The following DHODH variants were observed in gnomAD, a reference collection of about 807,000 sequenced individuals.
DHODH encodes dihydroorotate dehydrogenase (quinone), mitochondrial.
Under a neutral mutation model 39.7 loss-of-function variants are expected in DHODH, and 30 were observed. That is an observed-to-expected ratio of 0.76 (90% CI 0.57 to 1.02). DHODH has a LOEUF of 1.02. Among genes scored for constraint, DHODH ranks in the 50% least tolerant of loss-of-function variants. The pLI is 0.00. For missense variants in DHODH, 531 were observed against 520.8 expected, an observed-to-expected ratio of 1.02 and a Z score of -0.19; for synonymous variants, 222 against 213.8, an observed-to-expected ratio of 1.04 and a Z score of -0.34.
Position 72,024,437 on chromosome 16 carries a change from C to A in DHODH, c.*238C>A. The A allele has an allele frequency of 1.7e-6, 1 of 572,946 alleles. No individual in the cohort carries two copies. Among genetic ancestry groups the A allele is most frequent in the Non-Finnish European group, 3.1e-6 (1 of 318,124 alleles). The allele number at this position is 572,946 out of a possible 1,614,324, so 35.5% of individuals were successfully genotyped here. The stretch of plus-strand genomic sequence containing the variant: ...TGTGGATTCAAACCCTAGGATCCAT[C>A]AGTCTTGCAAGGACATTGAATATTA... On this transcript the variant is annotated 3_prime_UTR_variant, in exon 9 of 9. Transcript: ENST00000219240.
In DHODH at chr16:72,023,643, G is replaced by A. The variant is rs1348443677; in HGVS notation, c.1133+10G>A. On this transcript the variant is annotated intron_variant, in intron 8 of 8. Coordinates refer to ENST00000219240, the MANE Select transcript of DHODH (RefSeq NM_001361.5). ...TGGAGGCCCTTCTGAAGTGAGTGAG[G>A]TCATGTGTGGCTTGAAACAGAAGTT... The A allele has an allele frequency of 6.2e-7, 1 of 1,613,364 alleles. No homozygotes were observed.
At chr16:72,008,971 C>G in intron 1 of DHODH, 186 bp downstream of exon 1, 1 of 1,483,538 alleles carries the variant, frequency 6.7e-7, no homozygotes, top group African/African-American at 1.4e-5. Context: ...TGGACTCGGT[C>G]AGGCGTGTGC....
intron 3 of DHODH, chr16:72,016,641 A>G: frequency 2.9e-6 from 1 of 345,252 alleles, no homozygotes. Context: ...GGTGATTTTC[A>G]GACAGAAAGC....
In DHODH at chr16:72,024,484, A is replaced by C; in HGVS notation, c.*285A>C. On this transcript the variant is annotated 3_prime_UTR_variant, in exon 9 of 9. Transcript: ENST00000219240. ...ATTAGGAGGAAAAAGTCATGGAAAA[A>C]ATAAAGCCATTTAGAACCTGGGTTT... is the stretch of plus-strand genomic sequence containing the variant. 1 of 494,988 alleles carries C rather than the reference A, an allele frequency of 2.0e-6. No individual in the cohort carries two copies. 30.7% of individuals were successfully genotyped at this position (494,988 alleles called of 1,614,324 possible). A position where few individuals can be genotyped will look rare whatever the true frequency, so the allele number is the denominator to read the frequency against.
chr16:72,025,759 T>G lies in DHODH; in HGVS notation c.*1560T>G, dbSNP rs1356745333. Reference sequence around the variant, plus strand: ...CCCCAGCTCCTCTGGCTCTGCCTGTTCAAAGCTACCCTGTGAGGCCTGAAG... The same window carrying G: ...CCCCAGCTCCTCTGGCTCTGCCTGTGCAAAGCTACCCTGTGAGGCCTGAAG... On this transcript the variant is annotated 3_prime_UTR_variant, in exon 9 of 9. Transcript: ENST00000219240. 6.6e-6 allele frequency: 1 copy of G among 152,348 alleles called. No individual in the cohort carries two copies. Among genetic ancestry groups the G allele is most frequent in the African/African-American group, 2.4e-5 (1 of 41,470 alleles). 9.4% of individuals were successfully genotyped at this position (152,348 alleles called of 1,614,324 possible).
At position 72,008,747 on chromosome 16, in the gene DHODH, C is replaced by A. The variant is rs903400168; in HGVS notation, c.-18C>A. The A allele has an allele frequency of 3.2e-6, 5 of 1,551,418 alleles. No individual in the cohort carries two copies. The African/African-American group carries it at 6.8e-5, about 21-fold the overall frequency. On this transcript the variant is annotated 5_prime_UTR_variant, in exon 1 of 9. Coordinates refer to ENST00000219240, the MANE Select transcript of DHODH (RefSeq NM_001361.5). The stretch of plus-strand genomic sequence containing the variant: ...CCAATGGAAGGGAGACAGGGGCGGG[C>A]TTAATGACGGAAGGAGCATGGCGTG...
intron 4 of DHODH, among the ~76,000 whole-genome samples, chr16:72,018,493 C>T (rs927053702): frequency 6.6e-6 from 1 of 152,204 alleles, no homozygotes; most frequent in African/African-American, 2.4e-5. Flanking sequence ...ACAGGACTTG[C>T]ATGGTTTGTG....
At position 72,014,453 on chromosome 16, in the gene DHODH, C is replaced by G. The variant is rs759201508; in HGVS notation, c.235-20C>G. On this transcript the variant is annotated intron_variant, in intron 2 of 8. Transcript: ENST00000219240. ...CGGGATAGCCTTAGCGTGCCTCTGA[C>G]TTTGTCTTCCTCTTCCCAGGAAGTG... The G allele has an allele frequency of 5.6e-6, 9 of 1,612,530 alleles. No homozygotes were observed. In the East Asian group the frequency reaches 1.6e-4, roughly 28 times the overall value.
chr16:72,012,221 G>A lies in DHODH; in HGVS notation c.193G>A (p.Gly65Arg). ...HRLAVRFTSL[G>R]LLPRARFQDS... ...ACTGGCTGTTCGCTTCACCTCCCTG[G>A]GGCTCCTTCCACGGGCCAGATTTCA... The change falls in exon 2 of 9, where the codon GGG becomes AGG. Residue 65 changes from glycine to arginine, a missense_variant. By Grantham distance (125) the Gly-to-Arg change is moderately radical. Transcript: ENST00000219240. 4 of 1,614,058 alleles carry A rather than the reference G, an allele frequency of 2.5e-6. No individual in the cohort carries two copies. Among genetic ancestry groups the A allele is most frequent in the Non-Finnish European group, 3.4e-6 (4 of 1,180,006 alleles).
rs1408137072 is a variant in DHODH at position 72,016,644 on chromosome 16, CAG to C, written c.435-378_435-377del. On this transcript the variant is annotated intron_variant, in intron 3 of 8. Transcript: ENST00000219240. ...GCTAGGAAGAGAGGTGATTTTCAGA[CAG>C]AAAGCCTAGAGAGATGGAGTGGCTG... is the stretch of plus-strand genomic sequence containing the variant. 2.6e-5 allele frequency: 9 copies of C among 344,814 alleles called. No individual in the cohort carries two copies. In the East Asian group the frequency reaches 6.7e-4, roughly 25 times the overall value. The allele number at this position is 344,814 out of a possible 1,614,324, so 21.4% of individuals were successfully genotyped here.
At chr16:72,014,448 T>A in intron 2 of DHODH, 25 bp from the exon 3 acceptor site, 1 of 1,610,312 alleles carries the variant, frequency 6.2e-7, no homozygotes, top group South Asian at 1.1e-5. Context: ...TTAGCGTGCC[T>A]CTGACTTTGT....
chr16:72,022,518 T>A (rs1331934995), intron 6 of DHODH, 43 bp downstream of exon 6: 1 of 1,484,994 alleles, frequency 6.7e-7, no homozygotes, highest in Admixed American at 2.0e-5. Context: ...TCCCATGGTC[T>A]GCAGAGGCCG....
At position 72,021,294 on chromosome 16, in the gene DHODH, CG is replaced by C; in HGVS notation, c.689del (p.Arg230ProfsTer4). Reference protein sequence around the residue: ...LRSLQGKAELRRLLTKVLQER... With the variant: ...LRSLQGKAELXRLLTKVLQER... ...GAGCCTTCAGGGAAAGGCCGAGCTG[CG>C]CCGCCTGCTGACCAAGGTGGGCAGC... On this transcript the variant is annotated frameshift_variant, in exon 5 of 9. Transcript: ENST00000219240. LOFTEE classifies it high-confidence loss of function. 1 of 1,608,320 alleles carries C rather than the reference CG, an allele frequency of 6.2e-7. No individual in the cohort carries two copies. Among genetic ancestry groups the C allele is most frequent in the South Asian group, 1.1e-5 (1 of 90,120 alleles).
chr16:72,020,332 T>TATATATATATAC (rs2041192080), intron 4 of DHODH: 2 of 26,836 alleles, frequency 7.5e-5, no homozygotes, highest in African/African-American at 1.5e-4. Flanking sequence ...TATATGTGTA[T>TATATATATATAC]ATATATATAT....
intron 4 of DHODH, among the ~76,000 whole-genome samples, chr16:72,020,762 C>A (rs2041204132): frequency 6.6e-6 from 1 of 152,184 alleles, no homozygotes. Context: ...GAGTTGCGGG[C>A]CTGATGTGCC....
chr16:72,010,754 G>C (rs957553076), intron 1 of DHODH, among the ~76,000 whole-genome samples: 8 of 152,150 alleles, frequency 5.3e-5, no homozygotes, highest in African/African-American at 1.7e-4. Flanking sequence ...ATTTTTGAGA[G>C]AGTCTGACTC....
intron 4 of DHODH, chr16:72,020,506 C>T (rs918019082): frequency 6.6e-6 from 1 of 152,126 alleles, no homozygotes; most frequent in Non-Finnish European, 1.5e-5. Context: ...CAGGTGTGCA[C>T]CACTGCTCCC....
intron 1 of DHODH, chr16:72,009,184 GT>G (rs773200361): frequency 9.4e-6 from 10 of 1,066,752 alleles, no homozygotes; most frequent in Non-Finnish European, 1.1e-5. Context: ...TCTGTGAAAA[GT>G]TCTTAGCTGT....
chr16:72,012,553 G>C (rs2041096188), intron 2 of DHODH, among the ~76,000 whole-genome samples: 1 of 152,204 alleles, frequency 6.6e-6, no homozygotes, highest in African/African-American at 2.4e-5. Flanking sequence ...GAACAGATTA[G>C]CAACATAAAG....
Sources: gnomAD v4.1 joint callset for allele counts (sites outside exome capture counted in the v4.1 genomes callset) on GRCh38, gnomAD v4.1.1 for gene constraint, MANE v1.5 for transcripts, NCBI Gene and HGNC (gene_info 2026-07-23, HGNC 2026-07-21) for gene names.